IL15: variants seen among roughly 807,000 people sequenced by gnomAD.
The protein encoded by IL15 is interleukin 15.
A neutral mutation model predicts 19.6 loss-of-function variants in IL15; 11 were observed. The observed-to-expected ratio is 0.56, with a 90% CI of 0.35 to 0.93. The LOEUF (loss-of-function observed/expected upper bound fraction) is 0.93. Among genes scored for constraint, IL15 ranks in the 40% least tolerant of loss-of-function variants. The pLI, the probability that IL15 is intolerant of heterozygous loss-of-function variation, is 0.01. For missense variants in IL15, 197 were observed against 186.5 expected (o/e 1.06, Z -0.33); for synonymous variants, 58 against 59.6 (o/e 0.97, Z 0.12).
At chr4:141,709,959 G>A (rs1040257) in intron 2 of IL15, among the ~76,000 whole-genome samples, 117,274 of 151,784 alleles carry the variant, frequency 0.77, 45,613 homozygotes, top group East Asian at 0.99. Context: ...TCCAGTTTCT[G>A]TTTACCCCAA....
At chr4:141,690,118 G>C (rs920905640) in intron 2 of IL15, among the ~76,000 whole-genome samples, 1 of 152,144 alleles carries the variant, frequency 6.6e-6, no homozygotes, top group East Asian at 1.9e-4. Context: ...GTCCCTCATT[G>C]CCCGGGGCCA....
intron 1 of IL15, among the ~76,000 whole-genome samples, chr4:141,645,741 G>A (rs1372968321): frequency 6.6e-6 from 1 of 152,074 alleles, no homozygotes; most frequent in Non-Finnish European, 1.5e-5. Context: ...AATGTATGTG[G>A]CCTCAGATGG....
chr4:141,701,245 T>C (rs914368146), intron 2 of IL15, among the ~76,000 whole-genome samples: 1 of 152,090 alleles, frequency 6.6e-6, no homozygotes, highest in Non-Finnish European at 1.5e-5. Context: ...GTAGACTATT[T>C]CTTTAAATTG....
At chr4:141,647,175 G>C (rs1282082102) in intron 1 of IL15, among the ~76,000 whole-genome samples, 1 of 151,978 alleles carries the variant, frequency 6.6e-6, no homozygotes. Flanking sequence ...TACTTGACTG[G>C]TCTTGATTGA....
At chr4:141,700,660 G>A (rs906226783) in intron 2 of IL15, among the ~76,000 whole-genome samples, 2 of 152,090 alleles carry the variant, frequency 1.3e-5, no homozygotes, top group Non-Finnish European at 2.9e-5. Flanking sequence ...TGTATTTGCA[G>A]GTCTAGATCT....
chr4:141,686,597 G>A lies in IL15; in HGVS notation c.-100+30290G>A, dbSNP rs202071022. Among the ~76,000 whole-genome samples the A allele has an allele frequency of 7.9e-5, 12 of 152,260 alleles. No homozygotes were observed. In the East Asian group the frequency reaches 2.3e-3, roughly 29 times the overall value. On this transcript the variant is annotated intron_variant, in intron 2 of 7. Coordinates refer to ENST00000320650, the MANE Select transcript of IL15 (RefSeq NM_000585.5). ...AGTGCCTACCTCATACGGTTATTGTGAGCGTCAAATTTAGTGCTTGGCAAA... is the reference window on the plus strand; with the variant it reads ...AGTGCCTACCTCATACGGTTATTGTAAGCGTCAAATTTAGTGCTTGGCAAA...
intron 1 of IL15, among the ~76,000 whole-genome samples, chr4:141,651,290 G>A (rs780026784): frequency 4.0e-5 from 6 of 151,848 alleles, no homozygotes; most frequent in Non-Finnish European, 7.4e-5. Flanking sequence ...GCAACATGAC[G>A]GAATTGGAGG....
At chr4:141,721,145 CT>C in intron 4 of IL15, 1 of 1,452,954 alleles carries the variant, frequency 6.9e-7, no homozygotes, top group Non-Finnish European at 9.5e-7. Context: ...CTACTAATGC[CT>C]TCATGGTATT....
At chr4:141,669,699 T>G (rs1728105319) in intron 2 of IL15, among the ~76,000 whole-genome samples, 1 of 152,094 alleles carries the variant, frequency 6.6e-6, no homozygotes, top group South Asian at 2.1e-4. Flanking sequence ...TGGCAAACTT[T>G]TTCTGTAAAA....
rs540680978 is a variant in IL15 at position 141,675,149 on chromosome 4, T to TG, written c.-100+18843dup. On this transcript the variant is annotated intron_variant, in intron 2 of 7. Transcript: ENST00000320650. Reference sequence around the variant, plus strand: ...ATTCTTTTGGATATTTGAGACAATTTGAAAAAAAAAAACCAGATGAACAGT... The same window carrying TG: ...ATTCTTTTGGATATTTGAGACAATTTGGAAAAAAAAAAACCAGATGAACAGT... Among the ~76,000 whole-genome samples, 790 of 150,022 alleles carry TG rather than the reference T, an allele frequency of 5.3e-3. 14 individuals carry two copies. Among genetic ancestry groups the TG allele is most frequent in the African/African-American group, 0.019 (765 of 40,186 alleles).
intron 2 of IL15, among the ~76,000 whole-genome samples, chr4:141,663,435 A>C (rs138634506): frequency 6.6e-6 from 1 of 152,346 alleles, no homozygotes; most frequent in African/African-American, 2.4e-5. Flanking sequence ...TCAAAAATGA[A>C]GACTCAAAGA....
At chr4:141,672,393 T>C (rs1728204367) in intron 2 of IL15, among the ~76,000 whole-genome samples, 1 of 152,120 alleles carries the variant, frequency 6.6e-6, no homozygotes, top group Non-Finnish European at 1.5e-5. Flanking sequence ...GAGCATGGAG[T>C]TGGGGTGAAG....
At chr4:141,730,378 T>A (rs1280877005) in intron 7 of IL15, among the ~76,000 whole-genome samples, 1 of 152,154 alleles carries the variant, frequency 6.6e-6, no homozygotes, top group East Asian at 1.9e-4. Context: ...CAGACACTAT[T>A]CTTTGAGCTT....
chr4:141,732,838 A>G lies in IL15; in HGVS notation c.479A>G (p.Asn160Ser). The stretch of plus-strand genomic sequence containing the variant: ...GTACATATTGTCCAAATGTTCATCA[A>G]CACTTCTTGATTGCAATTGATTCTT... The part of the protein sequence containing the change: ...SFVHIVQMFI[N>S]TS Residue 160 changes from asparagine to serine, a missense_variant, in exon 8 of 8, where the codon AAC (asparagine) becomes AGC (serine). Transcript: ENST00000320650. 6.2e-7 allele frequency: 1 copy of G among 1,608,028 alleles called. No homozygotes were observed.
At position 141,702,309 on chromosome 4, in the gene IL15, G is replaced by T. The variant is rs111799557; in HGVS notation, c.-99-17057G>T. 5.4e-3 allele frequency among the ~76,000 whole-genome samples: 818 copies of T among 152,304 alleles called. 16 individuals carry two copies. Among genetic ancestry groups the T allele is most frequent in the African/African-American group, 0.019 (793 of 41,560 alleles). On this transcript the variant is annotated intron_variant, in intron 2 of 7. Transcript: ENST00000320650. ...GACTTCTTGAGAGCTGTACTGCAGTGATTACTATTGATCTTCTGGGTCTAG... is the reference window on the plus strand; with the variant it reads ...GACTTCTTGAGAGCTGTACTGCAGTTATTACTATTGATCTTCTGGGTCTAG...
At chr4:141,668,391 C>G (rs998428954) in intron 2 of IL15, among the ~76,000 whole-genome samples, 1 of 152,214 alleles carries the variant, frequency 6.6e-6, no homozygotes, top group Non-Finnish European at 1.5e-5. Context: ...CTTCCATGCT[C>G]CCTGTGGGTT....
intron 2 of IL15, among the ~76,000 whole-genome samples, chr4:141,707,295 C>G (rs1433422898): frequency 1.3e-5 from 2 of 152,028 alleles, no homozygotes. Flanking sequence ...TTATGCATTT[C>G]TCATTCCAAT....
chr4:141,652,444 T>C (rs1184275474), intron 1 of IL15, among the ~76,000 whole-genome samples: 3 of 152,124 alleles, frequency 2.0e-5, no homozygotes, highest in Admixed American at 6.6e-5. Context: ...ACTTTATTAA[T>C]AGAGACGACC....
chr4:141,644,305 C>A (rs939016781), intron 1 of IL15, among the ~76,000 whole-genome samples: 2 of 152,022 alleles, frequency 1.3e-5, no homozygotes, highest in Non-Finnish European at 2.9e-5. Flanking sequence ...CAAAACAACA[C>A]CCCCAGAACT....
Sources: allele counts gnomAD v4.1 joint callset (sites outside exome capture counted in the v4.1 genomes callset), GRCh38; gene constraint gnomAD v4.1.1; transcripts MANE v1.5; gene names NCBI Gene and HGNC (gene_info 2026-07-23, HGNC 2026-07-21).